The following PDE9A variants were observed in gnomAD, a reference collection of about 807,000 sequenced individuals.
PDE9A encodes the protein phosphodiesterase 9A, also known as high affinity cGMP-specific 3',5'-cyclic phosphodiesterase 9A.
In PDE9A, 60 loss-of-function variants were observed where a neutral mutation model predicts 87.4. That is an observed-to-expected ratio of 0.69 (90% CI 0.56 to 0.85). PDE9A has a LOEUF of 0.85. Ranked by LOEUF, PDE9A falls within the 40% of genes least tolerant of loss-of-function variation. The pLI, the probability that PDE9A is intolerant of heterozygous loss-of-function variation, is 0.00. For synonymous variants in PDE9A, 272 were observed against 279.4 expected, an observed-to-expected ratio of 0.97 and a Z score of 0.27; for missense variants, 665 against 779.0, an observed-to-expected ratio of 0.85 and a Z score of 1.74.
At chr21:42,693,047 G>C (rs879886918) in intron 3 of PDE9A, among the ~76,000 whole-genome samples, 10 of 152,238 alleles carry the variant, frequency 6.6e-5, no homozygotes, top group Non-Finnish European at 1.5e-4. Context: ...CCGTGGGAAG[G>C]CTGGGCAGGT....
At chr21:42,745,638 C>G (rs897386109) in intron 8 of PDE9A, among the ~76,000 whole-genome samples, 1 of 152,216 alleles carries the variant, frequency 6.6e-6, no homozygotes, top group Non-Finnish European at 1.5e-5. Context: ...GTGGGCTCTA[C>G]GTGGCTTGGT....
At chr21:42,667,611 G>A (rs1030042043) in intron 1 of PDE9A, among the ~76,000 whole-genome samples, 41 of 152,130 alleles carry the variant, frequency 2.7e-4, no homozygotes, top group African/African-American at 4.8e-5. Flanking sequence ...GACTGTCTCC[G>A]CTCACAGGAG....
intron 17 of PDE9A, among the ~76,000 whole-genome samples, chr21:42,769,569 CACACA>C (rs2056790150): frequency 6.8e-6 from 1 of 146,492 alleles, no homozygotes; most frequent in East Asian, 2.0e-4. Context: ...CACACACACA[CACACA>C]CATGCACACA....
intron 4 of PDE9A, among the ~76,000 whole-genome samples, chr21:42,703,223 C>T (rs1314456232): frequency 6.6e-6 from 1 of 152,226 alleles, no homozygotes; most frequent in Admixed American, 6.5e-5. Context: ...GCTCATCAGA[C>T]ATCAGGTGCA....
chr21:42,666,472 C>T (rs2057999953), intron 1 of PDE9A, among the ~76,000 whole-genome samples: 1 of 152,176 alleles, frequency 6.6e-6, no homozygotes, highest in Admixed American at 6.5e-5. Context: ...ACCCGCAGCT[C>T]CGTCTCAGCT....
At position 42,760,415 on chromosome 21, in the gene PDE9A, T is replaced by C; in HGVS notation, c.985T>C (p.Trp329Arg). The change falls in exon 12 of 20, where the codon TGG becomes CGG. Residue 329 changes from tryptophan to arginine, a missense_variant. Coordinates refer to ENST00000291539, the MANE Select transcript of PDE9A (RefSeq NM_002606.3). The surrounding 1 kb of genome is among the most constrained non-coding windows in gnomAD (Gnocchi z 5.2). ...GGCCCAGATGATGTACAGCATGGTC[T>C]GGCTCTGCAGTCTCCAGGTGGGTCC... ...CVAQMMYSMVWLCSLQEKFSQ... is the reference protein window; with the variant it reads ...CVAQMMYSMVRLCSLQEKFSQ... The C allele has an allele frequency of 6.2e-7, 1 of 1,603,882 alleles. No homozygotes were observed. The highest frequency in any genetic ancestry group is 8.5e-7 in the Non-Finnish European group (1 of 1,176,072).
intron 2 of PDE9A, 80 bp from the exon 3 acceptor site, chr21:42,687,837 C>T: frequency 8.1e-7 from 1 of 1,239,332 alleles, no homozygotes; most frequent in Non-Finnish European, 1.2e-6. Context: ...TGTCTCAGGG[C>T]TCTGGCCCCA....
intron 7 of PDE9A, among the ~76,000 whole-genome samples, chr21:42,736,927 G>A (rs948802686): frequency 2.6e-5 from 4 of 152,244 alleles, no homozygotes; most frequent in African/African-American, 9.6e-5. Context: ...TGCTGCACCT[G>A]TGCTGAGCCC....
At chr21:42,733,269 G>T in intron 6 of PDE9A, 87 bp from the exon 7 acceptor site, 1 of 774,184 alleles carries the variant, frequency 1.3e-6, no homozygotes, top group South Asian at 1.4e-5. Flanking sequence ...GCCCACAGCA[G>T]GGACTCAGTA....
chr21:42,693,767 T>C (rs189935082), intron 3 of PDE9A, among the ~76,000 whole-genome samples: 187 of 151,942 alleles, frequency 1.2e-3, no homozygotes, highest in African/African-American at 4.4e-3. Flanking sequence ...TAATTTTGTA[T>C]TTTTAGTAAA....
In PDE9A at chr21:42,768,312, A is replaced by T. The variant is rs1209485527; in HGVS notation, c.1461+20A>T. ...ATGCAGGTAAGAGTCTTGCAGAGCA[A>T]TCAAGCCTCCAGCCACTCTTATTAG... On this transcript the variant is annotated intron_variant, in intron 16 of 19. Coordinates refer to ENST00000291539, the MANE Select transcript of PDE9A (RefSeq NM_002606.3). 2.1e-6 allele frequency: 3 copies of T among 1,427,984 alleles called. No homozygotes were observed. Among genetic ancestry groups the T allele is most frequent in the Non-Finnish European group, 3.0e-6 (3 of 1,011,868 alleles). 88.5% of individuals were successfully genotyped at this position (1,427,984 alleles called of 1,614,324 possible).
At chr21:42,686,402 G>T (rs2059476954) in intron 2 of PDE9A, 140 bp downstream of exon 2, 1 of 660,866 alleles carries the variant, frequency 1.5e-6, no homozygotes, top group Non-Finnish European at 2.7e-6. Flanking sequence ...ATCAATCAAT[G>T]CGCAGAATCC....
chr21:42,686,613 G>A (rs2059489951), intron 2 of PDE9A, among the ~76,000 whole-genome samples: 1 of 152,132 alleles, frequency 6.6e-6, no homozygotes, highest in African/African-American at 2.4e-5. Flanking sequence ...TCAGGAGTTC[G>A]AGACCAGCCT....
intron 7 of PDE9A, among the ~76,000 whole-genome samples, chr21:42,743,109 G>A (rs560009939): frequency 7.2e-5 from 11 of 152,358 alleles, no homozygotes; most frequent in Non-Finnish European, 1.0e-4. Flanking sequence ...ACAGCTTGGA[G>A]GTTCGAAGCA....
chr21:42,768,318 C>A (rs1194922322), intron 16 of PDE9A, 26 bp downstream of exon 16: 3 of 1,371,544 alleles, frequency 2.2e-6, no homozygotes, highest in Admixed American at 1.7e-5. Flanking sequence ...AGCAATCAAG[C>A]CTCCAGCCAC....
Position 42,760,332 on chromosome 21 carries a change from G to C in PDE9A, c.902G>C (p.Cys301Ser). The part of the protein sequence containing the change: ...NPVTLRRWLF[C>S]VHDNYRNNPF... Reference sequence around the variant, plus strand: ...CGGACCCCCTGCCTCCCGCAGTTCTGCGTCCACGACAACTACAGAAACAAC... The same window carrying C: ...CGGACCCCCTGCCTCCCGCAGTTCTCCGTCCACGACAACTACAGAAACAAC... Residue 301 changes from cysteine to serine, a missense_variant, in exon 12 of 20, where the codon TGC (cysteine) becomes TCC (serine). Transcript: ENST00000291539. The surrounding 1 kb of genome is among the most constrained non-coding windows in gnomAD (Gnocchi z 5.2). 6.2e-7 allele frequency: 1 copy of C among 1,600,360 alleles called. No homozygotes were observed. The highest frequency in any genetic ancestry group is 8.5e-7 in the Non-Finnish European group (1 of 1,171,372).
intron 1 of PDE9A, among the ~76,000 whole-genome samples, chr21:42,683,887 G>A (rs1602030295): frequency 6.6e-6 from 1 of 152,216 alleles, no homozygotes; most frequent in South Asian, 2.1e-4. Context: ...TTGTGCCCAG[G>A]AGGAGAAGCA....
Position 42,722,404 on chromosome 21 carries a change from T to C in PDE9A, c.263-9366T>C, listed in dbSNP as rs1266285666. Among the ~76,000 whole-genome samples, 1 of 152,212 alleles carries C rather than the reference T, an allele frequency of 6.6e-6. No individual in the cohort carries two copies. The highest frequency in any genetic ancestry group is 1.5e-5 in the Non-Finnish European group (1 of 68,042). Reference sequence around the variant, plus strand: ...GTGAAACATGGCTCATTGCATCATATTAATAGCATGCAAATCTAAGCCCAG... The same window carrying C: ...GTGAAACATGGCTCATTGCATCATACTAATAGCATGCAAATCTAAGCCCAG... On this transcript the variant is annotated intron_variant, in intron 4 of 19. Coordinates refer to ENST00000291539, the MANE Select transcript of PDE9A (RefSeq NM_002606.3). This position sits in a 1 kb window ranked among gnomAD's most constrained non-coding sequence, Gnocchi z 4.1.
At chr21:42,769,547 TGCACACACAGGCACACACACACACACA>T (rs1463034996) in intron 17 of PDE9A, among the ~76,000 whole-genome samples, 7 of 96,246 alleles carry the variant, frequency 7.3e-5, no homozygotes, top group African/African-American at 2.0e-4. Context: ...GGCACACAAA[TGCACACACAGGCACACACACACACACA>T]CATGCACACA....
Sources: gnomAD v4.1 joint callset for allele counts (sites outside exome capture counted in the v4.1 genomes callset) on GRCh38, gnomAD v4.1.1 for gene constraint, Gnocchi (gnomAD v3.1) non-coding constraint, MANE v1.5 for transcripts, NCBI Gene and HGNC (gene_info 2026-07-23, HGNC 2026-07-21) for gene names.